CNGB3: variants seen among roughly 807,000 people sequenced by gnomAD.
The protein encoded by CNGB3 is cyclic nucleotide gated channel subunit beta 3.
Under a neutral mutation model 92.8 loss-of-function variants are expected in CNGB3, and 86 were observed. The observed-to-expected ratio is 0.93, with a 90% CI of 0.78 to 1.11. The LOEUF is 1.11. CNGB3 is among the 50% of genes least tolerant of loss of function. The pLI is 0.00. For synonymous variants in CNGB3, 333 were observed against 332.7 expected, an observed-to-expected ratio of 1.00 and a Z score of -0.01; for missense variants, 1,026 against 956.8, an observed-to-expected ratio of 1.07 and a Z score of -0.95.
At chr8:86,694,900 C>A (rs572276388) in intron 3 of CNGB3, among the ~76,000 whole-genome samples, 2 of 151,998 alleles carry the variant, frequency 1.3e-5, no homozygotes, top group African/African-American at 4.8e-5. Context: ...GACGGGGTGG[C>A]GCCCGGGCAG....
intron 3 of CNGB3, among the ~76,000 whole-genome samples, chr8:86,723,106 A>G (rs1467036328): frequency 3.3e-5 from 5 of 152,110 alleles, no homozygotes; most frequent in Non-Finnish European, 5.9e-5. Context: ...CAAACAGAGC[A>G]GAAACTAAGG....
At chr8:86,718,804 T>C (rs1347867842) in intron 3 of CNGB3, among the ~76,000 whole-genome samples, 1 of 136,352 alleles carries the variant, frequency 7.3e-6, no homozygotes, top group East Asian at 2.4e-4. Flanking sequence ...TAACACCATA[T>C]CAAAAAGATA....
At chr8:86,732,365 A>G (rs1426058920) in intron 2 of CNGB3, among the ~76,000 whole-genome samples, 2 of 152,186 alleles carry the variant, frequency 1.3e-5, no homozygotes. Context: ...GCTCTGCTCA[A>G]TGGGGAAAAC....
At position 86,582,079 on chromosome 8, in the gene CNGB3, C is replaced by T. The variant is rs542274104; in HGVS notation, c.1782-2827G>A. Among the ~76,000 whole-genome samples, 13 of 151,882 alleles carry T rather than the reference C, an allele frequency of 8.6e-5. No homozygotes were observed. The South Asian group carries it at 2.1e-3, about 24-fold the overall frequency. ...CAAAGAAATAAGCAGCAGAAATAGA[C>T]GAAATATGACACAGATATTGGAGTT... On this transcript the variant is annotated intron_variant, in intron 15 of 17. Coordinates refer to ENST00000320005, the MANE Select transcript of CNGB3 (RefSeq NM_019098.5).
At chr8:86,639,626 G>T (rs1230349738) in intron 10 of CNGB3, among the ~76,000 whole-genome samples, 1 of 151,912 alleles carries the variant, frequency 6.6e-6, no homozygotes, top group East Asian at 1.9e-4. Context: ...TAAAAAATAG[G>T]TAATTATTGC....
chr8:86,725,378 C>A (rs1461626402), intron 3 of CNGB3, among the ~76,000 whole-genome samples: 1 of 152,054 alleles, frequency 6.6e-6, no homozygotes, highest in Non-Finnish European at 1.5e-5. Context: ...ACTAATAGGA[C>A]TGAAAATAAT....
At chr8:86,600,243 A>T (rs894703839) in intron 15 of CNGB3, among the ~76,000 whole-genome samples, 13 of 151,922 alleles carry the variant, frequency 8.6e-5, no homozygotes, top group African/African-American at 3.1e-4. Context: ...TCCTGTACAC[A>T]CTCTCTTCCT....
At chr8:86,640,686 C>A (rs1037399599) in intron 10 of CNGB3, among the ~76,000 whole-genome samples, 1 of 151,952 alleles carries the variant, frequency 6.6e-6, no homozygotes, top group Non-Finnish European at 1.5e-5. Context: ...CAATTAAGAT[C>A]ATTAAAATAA....
chr8:86,591,169 G>T (rs1268912780), intron 15 of CNGB3, among the ~76,000 whole-genome samples: 9 of 147,938 alleles, frequency 6.1e-5, no homozygotes, highest in African/African-American at 2.0e-4. Flanking sequence ...CGTAGTTCTC[G>T]AGCCTTGGTT....
In CNGB3 at chr8:86,654,751, T is replaced by C. The variant is rs115943483; in HGVS notation, c.853-689A>G. On this transcript the variant is annotated intron_variant, in intron 6 of 17. Coordinates refer to ENST00000320005, the MANE Select transcript of CNGB3 (RefSeq NM_019098.5). ...TAATCCCACTCTTAGTTTACTTATA[T>C]CTTCACTTCCTACTTTTCAGTTTTC... Among the ~76,000 whole-genome samples, 441 of 152,318 alleles carry C rather than the reference T, an allele frequency of 2.9e-3. 1 individual carries two copies. Among genetic ancestry groups the C allele is most frequent in the African/African-American group, 0.01 (416 of 41,568 alleles).
At chr8:86,641,113 A>G (rs1461837418) in intron 10 of CNGB3, among the ~76,000 whole-genome samples, 1 of 152,002 alleles carries the variant, frequency 6.6e-6, no homozygotes, top group Non-Finnish European at 1.5e-5. Context: ...TGCTCATTAT[A>G]CGCTAATTAT....
chr8:86,628,130 G>A (rs1311530148), intron 12 of CNGB3, among the ~76,000 whole-genome samples: 10 of 152,170 alleles, frequency 6.6e-5, no homozygotes, highest in Admixed American at 6.5e-4. Flanking sequence ...TAGCCTATTA[G>A]TAGTTCAGTT....
chr8:86,593,625 G>A (rs887876418), intron 15 of CNGB3: 3 of 467,178 alleles, frequency 6.4e-6, no homozygotes, highest in African/African-American at 6.0e-5. Context: ...TGGCTATAAG[G>A]GGCGAGTGGG....
At chr8:86,740,455 A>C (rs1293414784) in intron 1 of CNGB3, among the ~76,000 whole-genome samples, 1 of 152,196 alleles carries the variant, frequency 6.6e-6, no homozygotes, top group Non-Finnish European at 1.5e-5. Flanking sequence ...TTATAAAGAT[A>C]AGATTTTTGT....
At chr8:86,670,125 G>T (rs1403534697) in intron 4 of CNGB3, among the ~76,000 whole-genome samples, 1 of 152,190 alleles carries the variant, frequency 6.6e-6, no homozygotes, top group Non-Finnish European at 1.5e-5. Context: ...TAGGATTACA[G>T]TCATGAGCCA....
chr8:86,709,644 G>A (rs1411109862), intron 3 of CNGB3, among the ~76,000 whole-genome samples: 2 of 151,994 alleles, frequency 1.3e-5, no homozygotes, highest in African/African-American at 4.8e-5. Flanking sequence ...TCAGTTTTAT[G>A]TTTTACCGCA....
chr8:86,705,210 G>A (rs921239614), intron 3 of CNGB3, among the ~76,000 whole-genome samples: 1 of 152,076 alleles, frequency 6.6e-6, no homozygotes, highest in Non-Finnish European at 1.5e-5. Flanking sequence ...TTAGTGAACA[G>A]GCAGCTTTCT....
intron 9 of CNGB3, 107 bp from the exon 10 acceptor site, chr8:86,643,980 T>C: frequency 1.7e-6 from 2 of 1,197,246 alleles, no homozygotes; most frequent in Non-Finnish European, 1.2e-6. Context: ...TTGCTTTGGA[T>C]TTGTGAACTG....
At chr8:86,657,535 C>A (rs1823535385) in intron 6 of CNGB3, 1 of 486,218 alleles carries the variant, frequency 2.1e-6, no homozygotes, top group East Asian at 5.7e-5. Context: ...GGGGAGAACC[C>A]TCCCTGGCCT....
Sources: allele counts gnomAD v4.1 joint callset (sites outside exome capture counted in the v4.1 genomes callset), GRCh38; gene constraint gnomAD v4.1.1; transcripts MANE v1.5; gene names NCBI Gene and HGNC (gene_info 2026-07-23, HGNC 2026-07-21).